The following BLM variants were observed in gnomAD, a reference collection of about 807,000 sequenced individuals.
The protein encoded by BLM is recQ-like DNA helicase BLM.
Under a neutral mutation model 135.3 loss-of-function variants are expected in BLM, and 95 were observed. The observed-to-expected ratio is 0.70, with a 90% CI of 0.59 to 0.83. The LOEUF (loss-of-function observed/expected upper bound fraction) is 0.83, where lower values mean the gene tolerates loss of function less well. Ranked by LOEUF, BLM falls within the 40% of genes least tolerant of loss-of-function variation. The pLI, the probability that BLM is intolerant of heterozygous loss-of-function variation, is 0.00. For synonymous variants in BLM, 520 were observed against 589.2 expected (o/e 0.88, Z 1.70); for missense variants, 1,518 against 1,663.9 (o/e 0.91, Z 1.53).
intron 14 of BLM, among the ~76,000 whole-genome samples, chr15:90,789,998 T>TTTTTTTTG (rs1567056154): frequency 2.9e-5 from 2 of 69,732 alleles, no homozygotes; most frequent in African/African-American, 1.7e-4. Context: ...TTTTTTTTTT[T>TTTTTTTTG]TTTTTTTTTT....
chr15:90,735,163 A>C (rs991696883), intron 1 of BLM, among the ~76,000 whole-genome samples: 6 of 150,034 alleles, frequency 4.0e-5, no homozygotes, highest in African/African-American at 1.5e-4. Flanking sequence ...CTTCTGAATA[A>C]CAAAAATAGC....
chr15:90,726,688 G>A (rs1270878415), intron 1 of BLM, among the ~76,000 whole-genome samples: 1 of 152,186 alleles, frequency 6.6e-6, no homozygotes, highest in Non-Finnish European at 1.5e-5. Context: ...AGAACATATG[G>A]TGTTTAACTT....
intron 1 of BLM, among the ~76,000 whole-genome samples, chr15:90,727,385 T>C (rs564760058): frequency 1.6e-4 from 25 of 152,324 alleles, no homozygotes; most frequent in Admixed American, 1.0e-3. Context: ...TTATATTTCA[T>C]AGATATAACT....
chr15:90,740,481 C>G (rs1424880609), intron 1 of BLM, among the ~76,000 whole-genome samples: 1 of 152,168 alleles, frequency 6.6e-6, no homozygotes, highest in Admixed American at 6.5e-5. Context: ...CCATTCATCA[C>G]TTGATGGACA....
intron 1 of BLM, among the ~76,000 whole-genome samples, chr15:90,730,326 T>C (rs895532210): frequency 6.6e-6 from 1 of 152,222 alleles, no homozygotes; most frequent in Admixed American, 6.5e-5. Flanking sequence ...AAAGTATTGA[T>C]AGTGGGCATT....
chr15:90,790,964 A>C, intron 15 of BLM, 120 bp downstream of exon 15: 1 of 986,426 alleles, frequency 1.0e-6, no homozygotes, highest in Non-Finnish European at 1.5e-6. Flanking sequence ...AAAATAGAGG[A>C]GTTTATACAG....
rs139366276 is a variant in BLM, at chr15:90,725,281, T to C, written c.-5+7841T>C. Reference sequence around the variant, plus strand: ...AGTGTGTATGTTTTACCTTACTATGTAATACTAAATTGTTTTCAAAAGTGC... The same window carrying C: ...AGTGTGTATGTTTTACCTTACTATGCAATACTAAATTGTTTTCAAAAGTGC... On this transcript the variant is annotated intron_variant, in intron 1 of 21. Coordinates refer to ENST00000355112, the MANE Select transcript of BLM (RefSeq NM_000057.4). Among the ~76,000 whole-genome samples, 112 of 152,306 alleles carry C rather than the reference T, an allele frequency of 7.4e-4. 2 individuals are homozygous for C. The East Asian group carries it at 0.021, about 29-fold the overall frequency.
intron 16 of BLM, among the ~76,000 whole-genome samples, chr15:90,796,635 A>G (rs1000099001): frequency 6.6e-6 from 1 of 152,138 alleles, no homozygotes; most frequent in African/African-American, 2.4e-5. Flanking sequence ...TAGGCTAGGG[A>G]AGTATAAAGA....
chr15:90,792,968 A>G (rs1195875738), intron 15 of BLM, among the ~76,000 whole-genome samples: 1 of 151,504 alleles, frequency 6.6e-6, no homozygotes, highest in Non-Finnish European at 1.5e-5. Context: ...ATGGCCAGGC[A>G]TGGTGGCTCA....
intron 10 of BLM, among the ~76,000 whole-genome samples, chr15:90,767,418 A>G (rs1596236461): frequency 6.6e-6 from 1 of 152,322 alleles, no homozygotes; most frequent in East Asian, 1.9e-4. Flanking sequence ...GCAAAAGAAA[A>G]TCCCAGATCA....
chr15:90,761,332 G>T, intron 7 of BLM, 77 bp downstream of exon 7: 1 of 1,112,516 alleles, frequency 9.0e-7, no homozygotes, highest in Non-Finnish European at 1.2e-6. Flanking sequence ...AAAAACCATA[G>T]CAAATCATCA....
intron 6 of BLM, 126 bp from the exon 7 acceptor site, chr15:90,760,466 AAG>A: frequency 1.6e-6 from 2 of 1,276,942 alleles, no homozygotes; most frequent in Non-Finnish European, 2.2e-6. Flanking sequence ...TCATGTTTTT[AAG>A]ATTGGGAAAA....
In BLM at chr15:90,812,392, C is replaced by T. The variant is rs908332904; in HGVS notation, c.4076+986C>T. ...TCGTCTGGGACATGTCTGTTCTGGG[C>T]GCTTTCTGCACACCAGGGGAACAAC... On this transcript the variant is annotated intron_variant, in intron 21 of 21. Transcript: ENST00000355112. 3.9e-5 allele frequency among the ~76,000 whole-genome samples: 6 copies of T among 152,084 alleles called. No homozygotes were observed. The East Asian group carries it at 7.7e-4, about 20-fold the overall frequency.
rs12720097 is a variant in BLM, at chr15:90,763,011, G to A, written c.1928G>A (p.Arg643His). 7,589 of 1,613,418 alleles carry A rather than the reference G, an allele frequency of 4.7e-3. 21 individuals carry two copies. Among genetic ancestry groups the A allele is most frequent in the Non-Finnish European group, 5.6e-3 (6,568 of 1,179,842 alleles). ...GCATCCAGAAATCTGAAACATGAGCGTTTCCAAAGTCTTAGTTTTCCTCAT... is the reference window on the plus strand; with the variant it reads ...GCATCCAGAAATCTGAAACATGAGCATTTCCAAAGTCTTAGTTTTCCTCAT... Reference protein sequence around the residue: ...NLASRNLKHERFQSLSFPHTK... With the variant: ...NLASRNLKHEHFQSLSFPHTK... The change falls in exon 8 of 22, where the codon CGT (arginine) becomes CAT (histidine). Residue 643 changes from arginine (R) to histidine (H), a missense_variant. Physicochemically the swap from Arg to His is conservative, Grantham distance 29 (BLOSUM62 0). Around this residue, in one of 5 missense-constraint regions of BLM, gnomAD observed 724 missense variants for 756.9 expected, o/e 0.96. Coordinates refer to ENST00000355112, the MANE Select transcript of BLM (RefSeq NM_000057.4).
chr15:90,732,911 C>T (rs540038558), intron 1 of BLM, among the ~76,000 whole-genome samples: 2 of 152,176 alleles, frequency 1.3e-5, no homozygotes, highest in South Asian at 2.1e-4. Flanking sequence ...CTGTCCAACA[C>T]GGTGAAACCC....
intron 21 of BLM, among the ~76,000 whole-genome samples, chr15:90,813,525 C>T (rs1897475944): frequency 6.6e-6 from 1 of 152,138 alleles, no homozygotes; most frequent in African/African-American, 2.4e-5. Context: ...TCCCAAGTAG[C>T]TGGGATTATG....
chr15:90,750,118 C>A, intron 3 of BLM, 51 bp downstream of exon 3: 1 of 1,568,658 alleles, frequency 6.4e-7, no homozygotes, highest in South Asian at 1.1e-5. Flanking sequence ...CTTTTTTATT[C>A]AAAGCTAGCC....
chr15:90,808,843 G>A, intron 19 of BLM: 1 of 479,048 alleles, frequency 2.1e-6, no homozygotes, highest in East Asian at 4.0e-5. Flanking sequence ...GAGCAGATCT[G>A]CTCCACTCCA....
chr15:90,749,785 C>G lies in BLM; in HGVS notation c.517C>G (p.Pro173Ala). The G allele has an allele frequency of 6.2e-7, 1 of 1,611,452 alleles. No individual in the cohort carries two copies. The highest frequency in any genetic ancestry group is 2.2e-5 in the East Asian group (1 of 44,870). The change falls in exon 3 of 22, where the codon CCC (proline) becomes GCC (alanine). Residue 173 changes from proline to alanine, a missense_variant. Pro to Ala is a conservative substitution (Grantham distance 27). This residue lies in a region of BLM where 724 missense variants were observed against 756.9 expected (regional missense o/e 0.96). Transcript: ENST00000355112. Reference protein sequence around the residue: ...SETSKSFVTPPQSHFVRVSTA... With the variant: ...SETSKSFVTPAQSHFVRVSTA... Reference sequence around the variant, plus strand: ...GACTTCAAAATCATTTGTTACACCACCCCAAAGTCACTTTGTAAGAGTAAG... The same window carrying G: ...GACTTCAAAATCATTTGTTACACCAGCCCAAAGTCACTTTGTAAGAGTAAG...
Sources: allele counts gnomAD v4.1 joint callset (sites outside exome capture counted in the v4.1 genomes callset), GRCh38; gene constraint gnomAD v4.1.1; regional missense constraint gnomAD v4.1.1; transcripts MANE v1.5; gene names NCBI Gene and HGNC (gene_info 2026-07-23, HGNC 2026-07-21).